MYO5B: variants seen among roughly 807,000 people sequenced by gnomAD.
MYO5B encodes the protein myosin VB, also known as unconventional myosin-Vb.
MYO5B carries 143 observed loss-of-function variants against 229.3 expected under a neutral mutation model. That is an observed-to-expected ratio of 0.62 (90% CI 0.54 to 0.72). The LOEUF is 0.72. Ranked by LOEUF, MYO5B falls within the 30% of genes least tolerant of loss-of-function variation. MYO5B has a pLI of 0.00. For synonymous variants in MYO5B, 918 were observed against 885.2 expected, an observed-to-expected ratio of 1.04 and a Z score of -0.66; for missense variants, 2,321 against 2,331.0, an observed-to-expected ratio of 1.00 and a Z score of 0.09.
chr18:49,974,798 G>C (rs28671329), intron 9 of MYO5B, among the ~76,000 whole-genome samples, 183 bp from the exon 10 acceptor site: 4,783 of 130,950 alleles, frequency 0.037, 141 homozygotes, highest in African/African-American at 0.091. Flanking sequence ...CACACACACA[G>C]ACACACACAC....
At chr18:49,944,279 G>A (rs541081878) in intron 14 of MYO5B, among the ~76,000 whole-genome samples, 2 of 152,234 alleles carry the variant, frequency 1.3e-5, no homozygotes, top group South Asian at 2.1e-4. Flanking sequence ...GCATAGTCAG[G>A]ATTTGAACCC....
chr18:49,875,906 CTCTA>C (rs2024516923), intron 25 of MYO5B, 79 bp from the exon 26 acceptor site: 8 of 1,542,978 alleles, frequency 5.2e-6, no homozygotes, highest in Admixed American at 3.4e-5. Context: ...CACTGCCTCC[CTCTA>C]TATCAGCCAT....
chr18:49,849,406 C>T (rs568304777), intron 32 of MYO5B, among the ~76,000 whole-genome samples, 161 bp downstream of exon 32: 285 of 152,254 alleles, frequency 1.9e-3, no homozygotes, highest in Admixed American at 4.0e-3. Flanking sequence ...GATGGGTAAG[C>T]TCATGGGATC....
chr18:50,079,039 G>T (rs2031153237), intron 1 of MYO5B, among the ~76,000 whole-genome samples: 1 of 152,224 alleles, frequency 6.6e-6, no homozygotes, highest in Admixed American at 6.5e-5. Context: ...AAACAATGGT[G>T]TTAGAAGTCA....
chr18:49,959,273 C>T (rs924345552), intron 12 of MYO5B, among the ~76,000 whole-genome samples: 1 of 152,184 alleles, frequency 6.6e-6, no homozygotes, highest in Non-Finnish European at 1.5e-5. Context: ...GAAGTGCTGA[C>T]ATCTGAAAAG....
At position 50,001,431 on chromosome 18, in the gene MYO5B, G is replaced by C. The variant is rs765471133; in HGVS notation, c.456-20C>G. 1.9e-6 allele frequency: 3 copies of C among 1,613,956 alleles called. No homozygotes were observed. The highest frequency in any genetic ancestry group is 2.5e-6 in the Non-Finnish European group (3 of 1,179,908). ...TCATCTCTGGAAGGAAAAAAGCTCT[G>C]ATAAGTCATTGGCCATGGAAAGGCT... On this transcript the variant is annotated intron_variant, in intron 4 of 39. Transcript: ENST00000285039.
chr18:50,180,278 A>G (rs1341628026), intron 1 of MYO5B, among the ~76,000 whole-genome samples: 1 of 152,176 alleles, frequency 6.6e-6, no homozygotes, highest in Non-Finnish European at 1.5e-5. Flanking sequence ...TCCCAAGGAC[A>G]TGACCTTCTC....
In MYO5B at chr18:49,853,310, G is replaced by A. The variant is rs533291550; in HGVS notation, c.4221+139C>T. 145 of 854,726 alleles carry A rather than the reference G, an allele frequency of 1.7e-4. 1 individual carries two copies. In the South Asian group the frequency reaches 1.9e-3, roughly 11 times the overall value. 52.9% of individuals were successfully genotyped at this position (854,726 alleles called of 1,614,324 possible). A position where few individuals can be genotyped will look rare whatever the true frequency, so the allele number is the denominator to read the frequency against. On this transcript the variant is annotated intron_variant, in intron 31 of 39. Coordinates refer to ENST00000285039, the MANE Select transcript of MYO5B (RefSeq NM_001080467.3). ...CAGCTCCAGTGAAGGGGTCTTGACCGGAGACTTCTAGAATCTCTGTTCCTA... is the reference window on the plus strand; with the variant it reads ...CAGCTCCAGTGAAGGGGTCTTGACCAGAGACTTCTAGAATCTCTGTTCCTA...
chr18:50,144,944 C>G (rs899552938), intron 1 of MYO5B, among the ~76,000 whole-genome samples: 1 of 152,168 alleles, frequency 6.6e-6, no homozygotes, highest in Non-Finnish European at 1.5e-5. Context: ...CACACTTCTT[C>G]AAATCCCTCA....
chr18:50,006,597 C>CA (rs2026104064), intron 4 of MYO5B, among the ~76,000 whole-genome samples: 2 of 152,230 alleles, frequency 1.3e-5, no homozygotes, highest in Admixed American at 6.5e-5. Context: ...CACTGGCCCC[C>CA]CCTTCTGTGA....
intron 30 of MYO5B, 108 bp from the exon 31 acceptor site, chr18:49,853,755 G>A (rs893942397): frequency 1.4e-5 from 14 of 1,004,850 alleles, no homozygotes; most frequent in Middle Eastern, 3.0e-4. Flanking sequence ...CAGCAGCAGC[G>A]GTTGCACATC....
intron 4 of MYO5B, among the ~76,000 whole-genome samples, chr18:50,011,687 C>A (rs2026162261): frequency 6.6e-6 from 1 of 151,936 alleles, no homozygotes; most frequent in Non-Finnish European, 1.5e-5. Context: ...TAATCCACCC[C>A]ACGAAGCCCT....
Position 49,849,572 on chromosome 18 carries a change from A to G in MYO5B, c.4310T>C (p.Leu1437Pro). 1.2e-6 allele frequency: 2 copies of G among 1,609,794 alleles called. No individual in the cohort carries two copies. ...ACTCACTCACACCCCCCTACCTTCT[A>G]GGTCCTGGGCTTTCTTCATGTAAAT... ...LKIYMKKAQDLEAAQALAQSE... is the reference protein window; with the variant it reads ...LKIYMKKAQDPEAAQALAQSE... Residue 1437 changes from leucine to proline, a missense_variant, in exon 32 of 40, where the codon CTA becomes CCA. By Grantham distance (98) the Leu-to-Pro change is moderately conservative. Transcript: ENST00000285039.
chr18:49,934,610 C>G (rs12962880), intron 16 of MYO5B, among the ~76,000 whole-genome samples: 3 of 152,128 alleles, frequency 2.0e-5, no homozygotes, highest in Non-Finnish European at 4.4e-5. Context: ...GCCCTTCACA[C>G]AGAATCTGAG....
intron 1 of MYO5B, among the ~76,000 whole-genome samples, chr18:50,072,252 A>C (rs1308675945): frequency 6.6e-6 from 1 of 152,188 alleles, no homozygotes; most frequent in Non-Finnish European, 1.5e-5. Context: ...AAAAAAAAAA[A>C]ACTAACATTT....
chr18:49,880,614 G>A (rs540261430), intron 22 of MYO5B, 159 bp from the exon 23 acceptor site: 3 of 684,114 alleles, frequency 4.4e-6, no homozygotes, highest in African/African-American at 1.8e-5. Flanking sequence ...ATTGTGTACT[G>A]AAAGAAAAAT....
rs3928907 is a variant in MYO5B at position 49,953,984 on chromosome 18, C to G, written c.1668+329G>C. Among the ~76,000 whole-genome samples, 35,843 of 127,090 alleles carry G rather than the reference C, an allele frequency of 0.28. 5,663 individuals carry two copies. The highest frequency in any genetic ancestry group is 0.46 in the Middle Eastern group (107 of 234). 83.4% of individuals were successfully genotyped at this position (127,090 alleles called of 152,430 possible). ...GTGTGTGTATGTGTGTGTGTATAGA[C>G]TATATATATACACAGACATATATGT... On this transcript the variant is annotated intron_variant, in intron 13 of 39. Coordinates refer to ENST00000285039, the MANE Select transcript of MYO5B (RefSeq NM_001080467.3).
intron 1 of MYO5B, among the ~76,000 whole-genome samples, chr18:50,184,191 G>T (rs926659475): frequency 1.3e-5 from 2 of 152,156 alleles, no homozygotes; most frequent in Non-Finnish European, 2.9e-5. Context: ...CAAAAGCAGG[G>T]GTTCTGCCTA....
At chr18:49,898,359 A>G (rs1186636838) in intron 21 of MYO5B, among the ~76,000 whole-genome samples, 1 of 152,226 alleles carries the variant, frequency 6.6e-6, no homozygotes, top group African/African-American at 2.4e-5. Flanking sequence ...TCTCATATAA[A>G]ATATATTTAA....
Sources: gnomAD v4.1 joint callset for allele counts (sites outside exome capture counted in the v4.1 genomes callset) on GRCh38, gnomAD v4.1.1 for gene constraint, MANE v1.5 for transcripts, NCBI Gene and HGNC (gene_info 2026-07-23, HGNC 2026-07-21) for gene names.